EFR3B: variants seen among roughly 807,000 people sequenced by gnomAD.
The protein encoded by EFR3B is EFR3 homolog B.
In EFR3B, 64 loss-of-function variants were observed where a neutral mutation model predicts 104.7. The ratio of observed to expected loss-of-function variants is 0.61; its 90% CI spans 0.50 to 0.75. The LOEUF is 0.75. Ranked by LOEUF, EFR3B falls within the 30% of genes least tolerant of loss-of-function variation. The pLI is 0.00. For missense variants in EFR3B, 750 were observed against 1,078.5 expected, an observed-to-expected ratio of 0.70 and a Z score of 4.27; for synonymous variants, 385 against 417.9, an observed-to-expected ratio of 0.92 and a Z score of 0.96.
At chr2:25,071,124 C>T (rs1349767544) in intron 1 of EFR3B, among the ~76,000 whole-genome samples, 1 of 152,086 alleles carries the variant, frequency 6.6e-6, no homozygotes, top group Non-Finnish European at 1.5e-5. Context: ...CCATGCCCAG[C>T]TAATTTTTTG....
chr2:25,043,450 C>G (rs1260835518), intron 1 of EFR3B, among the ~76,000 whole-genome samples: 2 of 152,146 alleles, frequency 1.3e-5, no homozygotes, highest in Admixed American at 6.5e-5. Context: ...AGCTGAGAGC[C>G]TGGTGGAAAG....
chr2:25,129,454 AG>A (rs1376346893), intron 6 of EFR3B, among the ~76,000 whole-genome samples: 1 of 141,090 alleles, frequency 7.1e-6, no homozygotes, highest in Non-Finnish European at 1.5e-5. Context: ...CTGGGCTGGG[AG>A]TCCTCCGGCT....
intron 3 of EFR3B, among the ~76,000 whole-genome samples, chr2:25,097,785 C>G (rs1669324483): frequency 6.6e-6 from 1 of 152,138 alleles, no homozygotes; most frequent in Non-Finnish European, 1.5e-5. Context: ...GAGTAAATCC[C>G]CTAGAAACGA....
chr2:25,114,563 C>T lies in EFR3B; in HGVS notation c.364-7110C>T, dbSNP rs1669808683. Reference sequence around the variant, plus strand: ...CGAGGGAATGGAATGGTCAACAGCCCGAGCCTCAAGTCTGCAACCTCCTAG... The same window carrying T: ...CGAGGGAATGGAATGGTCAACAGCCTGAGCCTCAAGTCTGCAACCTCCTAG... On this transcript the variant is annotated intron_variant, in intron 4 of 22. Coordinates refer to ENST00000403714, the MANE Select transcript of EFR3B (RefSeq NM_014971.2). The surrounding 1 kb of genome is among the most constrained non-coding windows in gnomAD (Gnocchi z 4.0). Among the ~76,000 whole-genome samples the T allele has an allele frequency of 6.6e-6, 1 of 152,160 alleles. No homozygotes were observed. The highest frequency in any genetic ancestry group is 2.4e-5 in the African/African-American group (1 of 41,442).
chr2:25,138,922 G>T, intron 15 of EFR3B, 137 bp from the exon 16 acceptor site: 1 of 1,258,560 alleles, frequency 7.9e-7, no homozygotes, highest in Non-Finnish European at 1.1e-6. Flanking sequence ...AGGAAGGTTT[G>T]GGTCAAATGC....
chr2:25,146,127 G>A (rs1443934118), intron 19 of EFR3B: 1 of 139,554 alleles, frequency 7.2e-6, no homozygotes, highest in African/African-American at 2.7e-5. Flanking sequence ...CAGTTCACAA[G>A]AAGTACGGAG....
In EFR3B at chr2:25,136,782, G is replaced by C. The variant is rs1266139842; in HGVS notation, c.1560+184G>C. ...GCTACAAAAATTAACCGGGCATGGT[G>C]GTGGGCACCTGCAATCCCAGCTACT... On this transcript the variant is annotated intron_variant, in intron 14 of 22. Coordinates refer to ENST00000403714, the MANE Select transcript of EFR3B (RefSeq NM_014971.2). The surrounding 1 kb of genome is among the most constrained non-coding windows in gnomAD (Gnocchi z 4.0). 2.6e-5 allele frequency among the ~76,000 whole-genome samples: 4 copies of C among 152,232 alleles called. No individual in the cohort carries two copies. Among genetic ancestry groups the C allele is most frequent in the African/African-American group, 7.2e-5 (3 of 41,462 alleles).
intron 1 of EFR3B, among the ~76,000 whole-genome samples, chr2:25,054,955 G>A (rs193070737): frequency 1.1e-4 from 17 of 152,334 alleles, no homozygotes; most frequent in Admixed American, 5.2e-4. Flanking sequence ...GAGGACAGAG[G>A]TGACATCTTT....
chr2:25,049,265 TCTAA>T (rs1667802673), intron 1 of EFR3B, among the ~76,000 whole-genome samples: 1 of 152,236 alleles, frequency 6.6e-6, no homozygotes, highest in South Asian at 2.1e-4. Context: ...TTCTTTGTCT[TCTAA>T]CTATTTGCGT....
chr2:25,091,499 G>A (rs1669120483), intron 2 of EFR3B, 98 bp downstream of exon 2: 2 of 1,129,530 alleles, frequency 1.8e-6, no homozygotes, highest in South Asian at 1.6e-5. Flanking sequence ...GGGTGGGGAA[G>A]GCAGGGCCTC....
intron 1 of EFR3B, among the ~76,000 whole-genome samples, chr2:25,053,198 AGGCTGG>A (rs1401001895): frequency 6.6e-6 from 1 of 152,354 alleles, no homozygotes; most frequent in African/African-American, 2.4e-5. Context: ...GTCAACAGCG[AGGCTGG>A]GAGCTCTCAC....
At chr2:25,079,332 T>C (rs67101835) in intron 1 of EFR3B, among the ~76,000 whole-genome samples, 6,912 of 152,262 alleles carry the variant, frequency 0.045, 225 homozygotes, top group Non-Finnish European at 0.073. Flanking sequence ...CAAGATGAAC[T>C]TGGGAAATTG....
rs540103958 is a variant in EFR3B at position 25,137,050 on chromosome 2, C to T, written c.1561-291C>T. On this transcript the variant is annotated intron_variant, in intron 14 of 22. Transcript: ENST00000403714. The surrounding 1 kb of genome is among the most constrained non-coding windows in gnomAD (Gnocchi z 4.7). ...TGTTAAGCTGACCTCTCTGAGGAGT[C>T]AAGCCCAGAGTGATGAGCCAGTCCA... Among the ~76,000 whole-genome samples, 1 of 152,290 alleles carries T rather than the reference C, an allele frequency of 6.6e-6. No individual in the cohort carries two copies. Among genetic ancestry groups the T allele is most frequent in the South Asian group, 2.1e-4 (1 of 4,820 alleles).
chr2:25,092,055 A>G (rs1163436521), intron 2 of EFR3B, among the ~76,000 whole-genome samples: 3 of 150,146 alleles, frequency 2.0e-5, no homozygotes, highest in African/African-American at 4.9e-5. Flanking sequence ...CGGCTATCCA[A>G]CATGCTTTAA....
At chr2:25,061,642 C>T (rs549206619) in intron 1 of EFR3B, among the ~76,000 whole-genome samples, 4 of 151,598 alleles carry the variant, frequency 2.6e-5, no homozygotes, top group East Asian at 3.9e-4. Context: ...TACAGGCGTG[C>T]GCCACCACGC....
intron 1 of EFR3B, among the ~76,000 whole-genome samples, chr2:25,070,315 G>C (rs1456373240): frequency 1.3e-5 from 2 of 152,106 alleles, no homozygotes; most frequent in African/African-American, 4.8e-5. Flanking sequence ...AGGCTGGACT[G>C]CAGTGGCGCA....
chr2:25,111,677 G>A (rs1330356660), intron 4 of EFR3B, among the ~76,000 whole-genome samples: 1 of 152,222 alleles, frequency 6.6e-6, no homozygotes, highest in African/African-American at 2.4e-5. Context: ...AATCTCAAGG[G>A]TCATTATAAG....
intron 1 of EFR3B, among the ~76,000 whole-genome samples, chr2:25,046,120 T>C (rs1481744795): frequency 2.6e-5 from 4 of 152,178 alleles, no homozygotes; most frequent in Non-Finnish European, 5.9e-5. Flanking sequence ...GCACAGTGGC[T>C]CACGCCTGTA....
chr2:25,049,842 C>A (rs1245718886), intron 1 of EFR3B, among the ~76,000 whole-genome samples: 2 of 149,054 alleles, frequency 1.3e-5, no homozygotes, highest in African/African-American at 5.0e-5. Flanking sequence ...AGGCTGGTCG[C>A]GGTGGCTCAA....
Sources: allele counts gnomAD v4.1 joint callset (sites outside exome capture counted in the v4.1 genomes callset), GRCh38; gene constraint gnomAD v4.1.1; non-coding constraint Gnocchi (gnomAD v3.1); transcripts MANE v1.5; gene names NCBI Gene and HGNC (gene_info 2026-07-23, HGNC 2026-07-21).